The following CAMKMT variants were observed in gnomAD, a reference collection of about 807,000 sequenced individuals.
The protein encoded by CAMKMT is CaM KMT.
A neutral mutation model predicts 48.0 loss-of-function variants in CAMKMT; 53 were observed. The ratio of observed to expected loss-of-function variants is 1.10; its 90% CI spans 0.89 to 1.39. CAMKMT has a LOEUF of 1.39. CAMKMT is among the 40% of genes most tolerant of loss of function. The probability of loss-of-function intolerance (pLI) is 0.00; values close to 1 mark genes in which losing one functional copy is unlikely to be tolerated. For synonymous variants in CAMKMT, 165 were observed against 152.3 expected (o/e 1.08, Z -0.61); for missense variants, 428 against 402.7 (o/e 1.06, Z -0.54).
chr2:44,520,392 C>T (rs1014950658), intron 3 of CAMKMT, among the ~76,000 whole-genome samples: 1 of 152,132 alleles, frequency 6.6e-6, no homozygotes, highest in Admixed American at 6.5e-5. Flanking sequence ...GCTAGGATTA[C>T]AGGAGTGAGC....
chr2:44,595,962 G>C (rs571496404), intron 3 of CAMKMT, among the ~76,000 whole-genome samples: 5 of 151,520 alleles, frequency 3.3e-5, no homozygotes, highest in Non-Finnish European at 7.4e-5. Context: ...GGGCTGGGGG[G>C]GCATCACACA....
intron 3 of CAMKMT, among the ~76,000 whole-genome samples, chr2:44,506,822 A>G (rs924271474): frequency 2.0e-5 from 3 of 152,190 alleles, no homozygotes; most frequent in Admixed American, 2.0e-4. Flanking sequence ...GTCATATTTC[A>G]AAATGTGTTA....
intron 3 of CAMKMT, among the ~76,000 whole-genome samples, chr2:44,490,276 TTTC>T: frequency 6.6e-6 from 1 of 152,248 alleles, no homozygotes; most frequent in African/African-American, 2.4e-5. Flanking sequence ...TTTTTCTTTC[TTTC>T]TTTCTTTCTT....
intron 3 of CAMKMT, among the ~76,000 whole-genome samples, chr2:44,525,549 G>A (rs1046068531): frequency 2.0e-5 from 3 of 152,084 alleles, no homozygotes; most frequent in African/African-American, 7.2e-5. Flanking sequence ...CCACCATGCT[G>A]GGCTGAGATA....
chr2:44,429,313 C>G lies in CAMKMT; in HGVS notation c.376+39008C>G, dbSNP rs965008399. Among the ~76,000 whole-genome samples the G allele has an allele frequency of 2.7e-5, 4 of 148,838 alleles. No homozygotes were observed. In the South Asian group the frequency reaches 8.5e-4, roughly 32 times the overall value. ...TGTGTGTGTGTGTGTGTGTGTATGT[C>G]TTATGGATGGTGAATTATACTGTTA... On this transcript the variant is annotated intron_variant, in intron 3 of 10. Transcript: ENST00000378494.
chr2:44,725,765 A>G (rs1400566800), intron 7 of CAMKMT, among the ~76,000 whole-genome samples: 2 of 152,154 alleles, frequency 1.3e-5, no homozygotes, highest in African/African-American at 4.8e-5. Context: ...AAATCATCAC[A>G]CTGGGGTGAA....
At chr2:44,393,147 A>C (rs1410873496) in intron 3 of CAMKMT, among the ~76,000 whole-genome samples, 1 of 152,210 alleles carries the variant, frequency 6.6e-6, no homozygotes, top group Non-Finnish European at 1.5e-5. Flanking sequence ...AGATGAAAGG[A>C]TCAGTCTTAC....
At chr2:44,710,578 C>T (rs1677825271) in intron 6 of CAMKMT, among the ~76,000 whole-genome samples, 1 of 151,958 alleles carries the variant, frequency 6.6e-6, no homozygotes, top group South Asian at 2.1e-4. Context: ...TTGTCCAGTT[C>T]TCAAATTTAT....
rs117273236 is a variant in CAMKMT at position 44,729,316 on chromosome 2, C to T, written c.623+13963C>T. Among the ~76,000 whole-genome samples the T allele has an allele frequency of 9.2e-4, 140 of 152,020 alleles. 3 individuals carry two copies. In the East Asian group the frequency reaches 0.024, roughly 26 times the overall value. On this transcript the variant is annotated intron_variant, in intron 7 of 10. Transcript: ENST00000378494. ...AAATCAAGTGATCAGAACATAACTA[C>T]GGGAATTGGAAAGTCAGAAGAGAAG...
At chr2:44,577,411 G>A (rs919775886) in intron 3 of CAMKMT, among the ~76,000 whole-genome samples, 1 of 152,056 alleles carries the variant, frequency 6.6e-6, no homozygotes, top group African/African-American at 2.4e-5. Context: ...TTAAGTTTAG[G>A]CATTAGAGAC....
chr2:44,638,506 G>A (rs1228087500), intron 3 of CAMKMT, among the ~76,000 whole-genome samples: 3 of 152,170 alleles, frequency 2.0e-5, no homozygotes, highest in Non-Finnish European at 4.4e-5. Context: ...CTCTTCTAGT[G>A]AGAACCCAAG....
intron 3 of CAMKMT, among the ~76,000 whole-genome samples, chr2:44,462,066 CATT>C (rs1416453921): frequency 2.0e-5 from 3 of 152,062 alleles, no homozygotes; most frequent in East Asian, 1.9e-4. Flanking sequence ...AAGACAATAA[CATT>C]ATTCTGTAAG....
rs1670966098 is a variant in CAMKMT at position 44,518,945 on chromosome 2, CTACCATA to C, written c.376+128641_376+128647del. 2.6e-5 allele frequency among the ~76,000 whole-genome samples: 4 copies of C among 152,234 alleles called. No individual in the cohort carries two copies. The South Asian group carries it at 8.3e-4, about 32-fold the overall frequency. On this transcript the variant is annotated intron_variant, in intron 3 of 10. Coordinates refer to ENST00000378494, the MANE Select transcript of CAMKMT (RefSeq NM_024766.5). The stretch of plus-strand genomic sequence containing the variant: ...GGAGGAAAGGCAGTCCAGTATATAC[CTACCATA>C]ATGATACTTCTTTCCGTGTTGTCGG...
At chr2:44,414,339 G>A (rs1683407691) in intron 3 of CAMKMT, among the ~76,000 whole-genome samples, 1 of 152,116 alleles carries the variant, frequency 6.6e-6, no homozygotes, top group Admixed American at 6.5e-5. Flanking sequence ...TCTGGCCCAG[G>A]GTGTCTTTAT....
intron 3 of CAMKMT, among the ~76,000 whole-genome samples, chr2:44,699,205 C>G (rs1401698398): frequency 6.6e-6 from 1 of 152,140 alleles, no homozygotes; most frequent in South Asian, 2.1e-4. Context: ...GAGTCCTTTC[C>G]AGAAGATTTT....
intron 6 of CAMKMT, among the ~76,000 whole-genome samples, chr2:44,707,994 T>C (rs1334953466): frequency 6.6e-6 from 1 of 152,156 alleles, no homozygotes; most frequent in African/African-American, 2.4e-5. Flanking sequence ...TTTAGGATTA[T>C]ACAAGCTATC....
intron 3 of CAMKMT, among the ~76,000 whole-genome samples, chr2:44,423,517 A>G (rs551572637): frequency 1.3e-5 from 2 of 152,258 alleles, no homozygotes; most frequent in East Asian, 1.9e-4. Flanking sequence ...TTCAAGCATC[A>G]GTTCTCTGTC....
chr2:44,548,610 A>C (rs1290002448), intron 3 of CAMKMT, among the ~76,000 whole-genome samples: 1 of 152,190 alleles, frequency 6.6e-6, no homozygotes, highest in African/African-American at 2.4e-5. Context: ...ATCTGAGTGG[A>C]TCTGACCTAA....
intron 3 of CAMKMT, among the ~76,000 whole-genome samples, chr2:44,507,701 C>G (rs1430414500): frequency 6.6e-6 from 1 of 152,182 alleles, no homozygotes; most frequent in Non-Finnish European, 1.5e-5. Flanking sequence ...GATAGTTACT[C>G]TCATTATCCC....
Sources: allele counts gnomAD v4.1 joint callset (sites outside exome capture counted in the v4.1 genomes callset), GRCh38; gene constraint gnomAD v4.1.1; transcripts MANE v1.5; gene names NCBI Gene and HGNC (gene_info 2026-07-23, HGNC 2026-07-21).